The following GNAL variants were observed in gnomAD, a reference collection of about 807,000 sequenced individuals.
The protein encoded by GNAL is guanine nucleotide-binding protein G(olf) subunit alpha.
In GNAL, 18 loss-of-function variants were observed where a neutral mutation model predicts 55.1. That is an observed-to-expected ratio of 0.33 (90% CI 0.23 to 0.48). GNAL has a LOEUF of 0.48. Among genes scored for constraint, GNAL ranks in the 20% least tolerant of loss-of-function variants. The pLI is 0.99. For missense variants in GNAL, 412 were observed against 614.1 expected, an observed-to-expected ratio of 0.67 and a Z score of 3.48; for synonymous variants, 253 against 237.0, an observed-to-expected ratio of 1.07 and a Z score of -0.62.
In GNAL at chr18:11,885,541, A is replaced by G; in HGVS notation, c.*4406A>G. 1 of 1,028,828 alleles carries G rather than the reference A, an allele frequency of 9.7e-7. No individual in the cohort carries two copies. Among genetic ancestry groups the G allele is most frequent in the Non-Finnish European group, 1.4e-6 (1 of 696,770 alleles). 63.7% of individuals were successfully genotyped at this position (1,028,828 alleles called of 1,614,324 possible). ...GTGTTTGGCAAGGGGCAGTGTATGG[A>G]GCTACGTGTAGAAGGAGAGAAATTT... is the stretch of plus-strand genomic sequence containing the variant. On this transcript the variant is annotated 3_prime_UTR_variant, in exon 12 of 12. Coordinates refer to ENST00000334049, the MANE Select transcript of GNAL (RefSeq NM_182978.4).
At chr18:11,844,598 A>G (rs192245194) in intron 5 of GNAL, among the ~76,000 whole-genome samples, 176 of 152,296 alleles carry the variant, frequency 1.2e-3, no homozygotes, top group African/African-American at 2.8e-3. Flanking sequence ...CACAGCATCA[A>G]TTAAGGGTAC....
chr18:11,808,156 C>T (rs903372497), intron 4 of GNAL, among the ~76,000 whole-genome samples: 12 of 152,006 alleles, frequency 7.9e-5, no homozygotes. Flanking sequence ...GGTTGAGTCA[C>T]TCTGCAGGGA....
chr18:11,756,727 TTGA>T (rs1207503231), intron 4 of GNAL, among the ~76,000 whole-genome samples: 2 of 152,160 alleles, frequency 1.3e-5, no homozygotes, highest in Non-Finnish European at 2.9e-5. Context: ...GTTTCATATT[TTGA>T]TGATCCTCAT....
chr18:11,763,269 C>T (rs556766907), intron 4 of GNAL, among the ~76,000 whole-genome samples: 34 of 152,274 alleles, frequency 2.2e-4, no homozygotes, highest in African/African-American at 6.7e-4. Context: ...TTTTTGTGAA[C>T]GATTTGAGAG....
intron 4 of GNAL, 87 bp downstream of exon 4, chr18:11,754,032 T>TC: frequency 1.0e-6 from 1 of 958,884 alleles, no homozygotes; most frequent in Non-Finnish European, 1.7e-6. Flanking sequence ...ATATTGATAC[T>TC]AATTCATTAT....
At chr18:11,877,665 G>A (rs568357826) in intron 11 of GNAL, among the ~76,000 whole-genome samples, 101 of 152,198 alleles carry the variant, frequency 6.6e-4, no homozygotes, top group Non-Finnish European at 1.2e-3. Context: ...CACTTAACAC[G>A]TGTGGACAAG....
chr18:11,752,399 TC>T lies in GNAL; in HGVS notation c.377-452del. 3 of 1,587,540 alleles carry T rather than the reference TC, an allele frequency of 1.9e-6. No homozygotes were observed. The highest frequency in any genetic ancestry group is 2.6e-6 in the Non-Finnish European group (3 of 1,170,164). On this transcript the variant is annotated intron_variant, in intron 1 of 11. Coordinates refer to ENST00000334049, the MANE Select transcript of GNAL (RefSeq NM_182978.4). This position sits in a 1 kb window ranked among gnomAD's most constrained non-coding sequence, Gnocchi z 4.5. ...ACTCTCTATTGCTTTTTGCGCACAT[TC>T]CTAACTTCCTGACGTCCATCCCAGC...
At chr18:11,876,860 T>G (rs1409226798) in intron 11 of GNAL, among the ~76,000 whole-genome samples, 172 bp downstream of exon 11, 1 of 152,138 alleles carries the variant, frequency 6.6e-6, no homozygotes, top group Non-Finnish European at 1.5e-5. Flanking sequence ...TTCAGAGAGG[T>G]TAGATTTCTC....
chr18:11,873,879 C>T (rs992053484), intron 10 of GNAL, among the ~76,000 whole-genome samples: 2 of 152,188 alleles, frequency 1.3e-5, no homozygotes, highest in South Asian at 4.1e-4. Flanking sequence ...GTCTGCCTCC[C>T]CAGGCCCTTC....
intron 1 of GNAL, among the ~76,000 whole-genome samples, chr18:11,742,638 C>T (rs529431759): frequency 2.0e-5 from 3 of 152,372 alleles, no homozygotes; most frequent in East Asian, 3.9e-4. Context: ...GCCAACCTGC[C>T]TCCTGGGCGA....
At chr18:11,692,802 A>C (rs2031293980) in intron 1 of GNAL, among the ~76,000 whole-genome samples, 1 of 132,336 alleles carries the variant, frequency 7.6e-6, no homozygotes, top group African/African-American at 3.5e-5. Context: ...CCCTGTCTCA[A>C]AAATGAATAA....
chr18:11,742,727 A>G (rs1598423416), intron 1 of GNAL, among the ~76,000 whole-genome samples: 1 of 151,888 alleles, frequency 6.6e-6, no homozygotes, highest in African/African-American at 2.4e-5. Context: ...ATGTGGTCCG[A>G]CCCCACCACT....
intron 3 of GNAL, 39 bp downstream of exon 3, chr18:11,753,721 A>G (rs777228288): frequency 1.4e-6 from 2 of 1,468,714 alleles, no homozygotes; most frequent in Non-Finnish European, 1.9e-6. Context: ...TAGAAAGGTC[A>G]AGTGCTCTTC....
chr18:11,848,426 T>G (rs186860985), intron 5 of GNAL, among the ~76,000 whole-genome samples: 3 of 152,236 alleles, frequency 2.0e-5, no homozygotes, highest in African/African-American at 7.2e-5. Context: ...TGGCAACTTC[T>G]TTTAGCAACC....
intron 10 of GNAL, among the ~76,000 whole-genome samples, chr18:11,872,681 C>G (rs948387539): frequency 2.0e-5 from 3 of 152,210 alleles, no homozygotes. Flanking sequence ...TGAGCTCTCC[C>G]TCTAGTGCCT....
At chr18:11,880,794 G>A (rs747101523) in intron 11 of GNAL, among the ~76,000 whole-genome samples, 195 bp from the exon 12 acceptor site, 2 of 152,014 alleles carry the variant, frequency 1.3e-5, no homozygotes, top group African/African-American at 2.4e-5. Flanking sequence ...CCTCCTGGGG[G>A]CAATGATAAG....
intron 4 of GNAL, among the ~76,000 whole-genome samples, chr18:11,795,119 A>C (rs990595712): frequency 9.9e-5 from 15 of 152,010 alleles, no homozygotes; most frequent in Non-Finnish European, 1.8e-4. Context: ...CTGGGATTAC[A>C]GGTGTGAGCT....
At chr18:11,822,802 GTTTTTCTTTTTT>G (rs1435998034) in intron 4 of GNAL, among the ~76,000 whole-genome samples, 11 of 93,232 alleles carry the variant, frequency 1.2e-4, no homozygotes, top group African/African-American at 3.8e-4. Flanking sequence ...GAGCAATATT[GTTTTTCTTTTTT>G]TTTTTCTTTT....
chr18:11,753,380 C>T lies in GNAL; in HGVS notation c.450-248C>T, dbSNP rs553311038. ...TTTTGCCTAGTTTTTCTGTAACCTG[C>T]ATAGTTGTTTAAAGCTATAGATTTT... On this transcript the variant is annotated intron_variant, in intron 2 of 11. Coordinates refer to ENST00000334049, the MANE Select transcript of GNAL (RefSeq NM_182978.4). Among the ~76,000 whole-genome samples, 4 of 152,106 alleles carry T rather than the reference C, an allele frequency of 2.6e-5. No individual in the cohort carries two copies. The South Asian group carries it at 6.2e-4, about 24-fold the overall frequency.
Sources: allele counts gnomAD v4.1 joint callset (sites outside exome capture counted in the v4.1 genomes callset), GRCh38; gene constraint gnomAD v4.1.1; non-coding constraint Gnocchi (gnomAD v3.1); transcripts MANE v1.5; gene names NCBI Gene and HGNC (gene_info 2026-07-23, HGNC 2026-07-21).